TMEM63C: variants seen among roughly 807,000 people sequenced by gnomAD.
TMEM63C encodes the protein osmosensitive cation channel TMEM63C.
A neutral mutation model predicts 99.2 loss-of-function variants in TMEM63C; 32 were observed. The ratio of observed to expected loss-of-function variants is 0.32; its 90% CI spans 0.24 to 0.43. The LOEUF (loss-of-function observed/expected upper bound fraction) is 0.43. Among genes scored for constraint, TMEM63C ranks in the 20% least tolerant of loss-of-function variants. The probability of loss-of-function intolerance (pLI) is 1.00; values close to 1 mark genes in which losing one functional copy is unlikely to be tolerated. For missense variants in TMEM63C, 826 were observed against 1,053.0 expected (o/e 0.78, Z 2.98); for synonymous variants, 376 against 397.9 (o/e 0.94, Z 0.66).
chr14:77,212,042 A>C (rs1208538809), intron 1 of TMEM63C, among the ~76,000 whole-genome samples: 2 of 152,160 alleles, frequency 1.3e-5, no homozygotes, highest in Non-Finnish European at 2.9e-5. Context: ...CTGCCCCAGA[A>C]CAGAGAGGCT....
chr14:77,201,484 G>C (rs1234712406), intron 1 of TMEM63C, among the ~76,000 whole-genome samples: 1 of 152,214 alleles, frequency 6.6e-6, no homozygotes, highest in Non-Finnish European at 1.5e-5. Flanking sequence ...GGTCAGATGA[G>C]GGAGCTGAAA....
intron 11 of TMEM63C, 54 bp downstream of exon 11, chr14:77,239,546 T>G (rs2140124679): frequency 6.2e-7 from 1 of 1,610,918 alleles, no homozygotes; most frequent in Non-Finnish European, 8.5e-7. Context: ...AAGGGGAGGA[T>G]GGGGCTCTGC....
At chr14:77,245,210 A>G (rs1889248420) in intron 16 of TMEM63C, among the ~76,000 whole-genome samples, 1 of 152,228 alleles carries the variant, frequency 6.6e-6, no homozygotes, top group South Asian at 2.1e-4. Context: ...TCTCTTTAAC[A>G]CAGAGACATC....
At chr14:77,223,819 C>T (rs1383914561) in intron 5 of TMEM63C, among the ~76,000 whole-genome samples, 1 of 152,118 alleles carries the variant, frequency 6.6e-6, no homozygotes, top group Non-Finnish European at 1.5e-5. Context: ...AACACATTCC[C>T]AGGAAGATGT....
intron 5 of TMEM63C, among the ~76,000 whole-genome samples, chr14:77,223,634 AGT>A (rs138592430): frequency 2.2e-4 from 33 of 151,288 alleles, no homozygotes; most frequent in Non-Finnish European, 2.7e-4. Flanking sequence ...CAGGGGAGGG[AGT>A]GTGTGTGTGT....
intron 2 of TMEM63C, among the ~76,000 whole-genome samples, chr14:77,215,614 A>AAGAAAAGAAAAGAAAAG (rs1555347250): frequency 2.6e-5 from 2 of 76,550 alleles, no homozygotes; most frequent in East Asian, 9.1e-4. Flanking sequence ...AAAAAAAAAA[A>AAGAAAAGAAAAGAAAAG]AAAAGAAAAG....
At chr14:77,197,981 T>G (rs1432010468) in intron 1 of TMEM63C, among the ~76,000 whole-genome samples, 1 of 152,192 alleles carries the variant, frequency 6.6e-6, no homozygotes, top group Non-Finnish European at 1.5e-5. Flanking sequence ...TCTGGGGCCC[T>G]GCATCCGCAC....
Position 77,259,015 on chromosome 14 carries a change from A to G in TMEM63C, c.*2289A>G, listed in dbSNP as rs183716608. 1,065 of 152,346 alleles carry G rather than the reference A, an allele frequency of 7.0e-3. 4 individuals are homozygous for G. The highest frequency in any genetic ancestry group is 0.011 in the South Asian group (55 of 4,828). The allele number at this position is 152,346 out of a possible 1,614,324, so 9.4% of individuals were successfully genotyped here. ...GGCTCCATCTGGACCTCCCATGGTCACTACAGGATGGTGGAGCAGGGGGCA... is the reference window on the plus strand; with the variant it reads ...GGCTCCATCTGGACCTCCCATGGTCGCTACAGGATGGTGGAGCAGGGGGCA... On this transcript the variant is annotated 3_prime_UTR_variant, in exon 24 of 24. Coordinates refer to ENST00000298351, the MANE Select transcript of TMEM63C (RefSeq NM_020431.4).
At chr14:77,214,785 G>A (rs8014837) in intron 2 of TMEM63C, among the ~76,000 whole-genome samples, 49,694 of 151,458 alleles carry the variant, frequency 0.33, 9,149 homozygotes, top group East Asian at 0.69. Flanking sequence ...TCCTAGACCC[G>A]ATCACCACCG....
intron 6 of TMEM63C, among the ~76,000 whole-genome samples, chr14:77,230,201 CAA>C (rs55863810): frequency 2.9e-5 from 4 of 138,458 alleles, no homozygotes; most frequent in African/African-American, 5.3e-5. Flanking sequence ...GACTCTGTCT[CAA>C]AAAAAAAAAA....
intron 15 of TMEM63C, 52 bp downstream of exon 15, chr14:77,243,108 A>G: frequency 6.3e-7 from 1 of 1,596,910 alleles, no homozygotes; most frequent in Non-Finnish European, 8.5e-7. Context: ...ATCAAGGAAT[A>G]ATTCAGGCGA....
chr14:77,227,495 C>A (rs573047818), intron 6 of TMEM63C, among the ~76,000 whole-genome samples: 1 of 152,350 alleles, frequency 6.6e-6, no homozygotes, highest in African/African-American at 2.4e-5. Flanking sequence ...GTTGAAAAAA[C>A]AAGATTGAAG....
chr14:77,216,697 T>A (rs1040594234), intron 2 of TMEM63C, among the ~76,000 whole-genome samples: 10 of 152,196 alleles, frequency 6.6e-5, no homozygotes, highest in African/African-American at 2.2e-4. Flanking sequence ...CCCTATCTAA[T>A]CTGCCGGCAA....
rs1482035481 is a variant in TMEM63C at position 77,250,417 on chromosome 14, C to T, written c.2038+959C>T. Among the ~76,000 whole-genome samples the T allele has an allele frequency of 6.0e-5, 9 of 150,992 alleles. No individual in the cohort carries two copies. The East Asian group carries it at 1.2e-3, about 19-fold the overall frequency. Reference sequence around the variant, plus strand: ...TCTCAGTGGTGGGAGAAGGGAGACGCGGTGTTTTCTTTCTTTTTTTTTTTT... The same window carrying T: ...TCTCAGTGGTGGGAGAAGGGAGACGTGGTGTTTTCTTTCTTTTTTTTTTTT... On this transcript the variant is annotated intron_variant, in intron 21 of 23. Transcript: ENST00000298351.
chr14:77,243,973 C>T (rs529856235), intron 15 of TMEM63C, among the ~76,000 whole-genome samples: 91 of 152,288 alleles, frequency 6.0e-4, no homozygotes, highest in African/African-American at 2.1e-3. Flanking sequence ...CCAGACCCCA[C>T]GCATCCTGGG....
intron 1 of TMEM63C, among the ~76,000 whole-genome samples, chr14:77,209,602 G>T (rs1237630741): frequency 6.6e-6 from 1 of 152,186 alleles, no homozygotes; most frequent in Non-Finnish European, 1.5e-5. Context: ...GGCAGTGGTT[G>T]CAAGGCCAGC....
Position 77,220,061 on chromosome 14 carries a change from T to C in TMEM63C, c.286T>C (p.Ser96Pro), listed in dbSNP as rs763893406. Reference protein sequence around the residue: ...QSEKTSPSETSLEMERRDKGF... With the variant: ...QSEKTSPSETPLEMERRDKGF... ...CGAGAAGACATCTCCCTCGGAGACT[T>C]CCTTGGAGATGGAACGCAGAGACAA... The change falls in exon 5 of 24, where the codon TCC becomes CCC. Residue 96 changes from serine to proline, a missense_variant. Coordinates refer to ENST00000298351, the MANE Select transcript of TMEM63C (RefSeq NM_020431.4). 14 of 1,559,772 alleles carry C rather than the reference T, an allele frequency of 9.0e-6. No homozygotes were observed. The highest frequency in any genetic ancestry group is 2.7e-5 in the African/African-American group (2 of 73,362).
intron 6 of TMEM63C, among the ~76,000 whole-genome samples, chr14:77,229,917 C>T (rs927652986): frequency 2.0e-5 from 3 of 151,670 alleles, no homozygotes; most frequent in Non-Finnish European, 2.9e-5. Flanking sequence ...ATGTACAGCT[C>T]GGCCCGGCAT....
At chr14:77,224,920 A>G (rs1888790270) in intron 5 of TMEM63C, among the ~76,000 whole-genome samples, 1 of 152,036 alleles carries the variant, frequency 6.6e-6, no homozygotes, top group South Asian at 2.1e-4. Flanking sequence ...CATCTGCCTC[A>G]GCCTCTTGAG....
Sources: allele counts gnomAD v4.1 joint callset (sites outside exome capture counted in the v4.1 genomes callset), GRCh38; gene constraint gnomAD v4.1.1; transcripts MANE v1.5; gene names NCBI Gene and HGNC (gene_info 2026-07-23, HGNC 2026-07-21).